Variants in GABRA4 observed in about 807,000 individuals in gnomAD.
GABRA4 encodes the protein gamma-aminobutyric acid type A receptor subunit alpha4, also known as gamma-aminobutyric acid receptor subunit alpha-4.
A neutral mutation model predicts 49.7 loss-of-function variants in GABRA4; 12 were observed. The observed-to-expected ratio is 0.24, with a 90% CI of 0.15 to 0.39. GABRA4 has a LOEUF of 0.39. Among genes scored for constraint, GABRA4 ranks in the 10% least tolerant of loss-of-function variants. GABRA4 has a pLI of 1.00. For missense variants in GABRA4, 506 were observed against 686.0 expected (o/e 0.74, Z 2.93); for synonymous variants, 288 against 240.2 (o/e 1.20, Z -1.84).
intron 5 of GABRA4, among the ~76,000 whole-genome samples, chr4:46,976,430 C>T (rs1303157097): frequency 6.8e-6 from 1 of 147,954 alleles, no homozygotes; most frequent in African/African-American, 2.5e-5. Context: ...TTTGTCAAAC[C>T]TTCCAAAGGC....
intron 8 of GABRA4, among the ~76,000 whole-genome samples, chr4:46,955,733 T>C (rs1412917064): frequency 6.6e-6 from 1 of 152,094 alleles, no homozygotes; most frequent in African/African-American, 2.4e-5. Context: ...GGTTTGTATT[T>C]CAGGAGACAG....
chr4:46,963,651 G>A (rs183359403), intron 8 of GABRA4, among the ~76,000 whole-genome samples: 431 of 151,834 alleles, frequency 2.8e-3, no homozygotes, highest in African/African-American at 9.7e-3. Context: ...GACTAATACA[G>A]CAGACATTTC....
In GABRA4 at chr4:46,936,470, G is replaced by C. The variant is rs990482066; in HGVS notation, c.1135-7715C>G. On this transcript the variant is annotated intron_variant, in intron 8 of 8. Transcript: ENST00000264318. Reference sequence around the variant, plus strand: ...TCTCCATGTTTGTCAGGCTGGTCTCGAACTCCTGACCTCAGGTGATCCGCC... The same window carrying C: ...TCTCCATGTTTGTCAGGCTGGTCTCCAACTCCTGACCTCAGGTGATCCGCC... Among the ~76,000 whole-genome samples the C allele has an allele frequency of 2.0e-5, 3 of 152,122 alleles. No homozygotes were observed. In the East Asian group the frequency reaches 5.8e-4, roughly 30 times the overall value.
intron 8 of GABRA4, among the ~76,000 whole-genome samples, chr4:46,942,013 A>G (rs1032890943): frequency 3.9e-5 from 6 of 152,164 alleles, no homozygotes; most frequent in African/African-American, 1.4e-4. Flanking sequence ...TAAATAAGCA[A>G]ACATATATCC....
At chr4:46,979,433 A>C (rs916002917) in intron 2 of GABRA4, among the ~76,000 whole-genome samples, 6 of 152,114 alleles carry the variant, frequency 3.9e-5, no homozygotes, top group Non-Finnish European at 8.8e-5. Context: ...CCATCATCTG[A>C]TTGGCCTCTA....
rs138764484 is a variant in GABRA4, at chr4:46,992,884, C to T, written c.149G>A (p.Arg50His). ...EEKLCTENFT[R>H]ILDSLLDGYD... is the part of the protein sequence containing the mutation. ...ACCATCGAGCAAACTGTCCAGGATGCGGGTGAAATTTTCTGTGCACAATTT... is the reference window on the plus strand; with the variant it reads ...ACCATCGAGCAAACTGTCCAGGATGTGGGTGAAATTTTCTGTGCACAATTT... The change falls in exon 2 of 9, where the codon CGC becomes CAC. Residue 50 changes from arginine (R) to histidine (H), a missense_variant. Physicochemically the swap from Arg to His is conservative, Grantham distance 29. This residue lies in a region of GABRA4 where 195 missense variants were observed against 326.0 expected (regional missense o/e 0.60). Transcript: ENST00000264318. 9.3e-6 allele frequency: 15 copies of T among 1,610,438 alleles called. No homozygotes were observed. The highest frequency in any genetic ancestry group is 1.3e-5 in the Non-Finnish European group (15 of 1,178,840).
At chr4:46,958,564 C>T (rs1176404977) in intron 8 of GABRA4, among the ~76,000 whole-genome samples, 1 of 151,822 alleles carries the variant, frequency 6.6e-6, no homozygotes, top group Non-Finnish European at 1.5e-5. Context: ...AAGGAAAGAA[C>T]CACAAGAATG....
intron 8 of GABRA4, among the ~76,000 whole-genome samples, chr4:46,956,577 C>T (rs1722371517): frequency 6.6e-6 from 1 of 151,854 alleles, no homozygotes; most frequent in South Asian, 2.1e-4. Context: ...CCAAAGTGTC[C>T]TCAGTTCTCT....
intron 8 of GABRA4, among the ~76,000 whole-genome samples, chr4:46,952,955 A>G (rs1353306832): frequency 6.6e-6 from 1 of 152,152 alleles, no homozygotes; most frequent in Non-Finnish European, 1.5e-5. Flanking sequence ...CCATGTCTAT[A>G]TCTCAGTTAT....
At chr4:46,965,852 T>A (rs981591428) in intron 7 of GABRA4, among the ~76,000 whole-genome samples, 6 of 151,888 alleles carry the variant, frequency 4.0e-5, no homozygotes, top group Non-Finnish European at 7.4e-5. Flanking sequence ...GCCTCATTTT[T>A]ATAAAACAAT....
intron 2 of GABRA4, among the ~76,000 whole-genome samples, chr4:46,985,794 A>T (rs1387414941): frequency 6.6e-6 from 1 of 151,840 alleles, no homozygotes; most frequent in Non-Finnish European, 1.5e-5. Flanking sequence ...CTTTTTTTTT[A>T]AACCAAGAAC....
chr4:46,933,041 T>C (rs1198341540), intron 8 of GABRA4, among the ~76,000 whole-genome samples: 1 of 152,058 alleles, frequency 6.6e-6, no homozygotes, highest in Non-Finnish European at 1.5e-5. Context: ...AAAGAATCAG[T>C]CTAAGGTGGT....
chr4:46,954,933 T>C (rs1334418432), intron 8 of GABRA4, among the ~76,000 whole-genome samples: 1 of 152,066 alleles, frequency 6.6e-6, no homozygotes, highest in Non-Finnish European at 1.5e-5. Context: ...TGCTCAACCA[T>C]AAAATTATGT....
intron 2 of GABRA4, among the ~76,000 whole-genome samples, chr4:46,987,351 T>A (rs1723578252): frequency 6.6e-6 from 1 of 152,164 alleles, no homozygotes; most frequent in Non-Finnish European, 1.5e-5. Flanking sequence ...TAGTGAAGTC[T>A]CCACTAATTA....
intron 8 of GABRA4, among the ~76,000 whole-genome samples, chr4:46,931,220 A>G (rs1721423919): frequency 6.6e-6 from 1 of 152,126 alleles, no homozygotes; most frequent in South Asian, 2.1e-4. Flanking sequence ...AGCCAGGAAT[A>G]GTGCATGTTT....
Position 46,921,576 on chromosome 4 carries a change from C to A in GABRA4, c.*6649G>T, listed in dbSNP as rs549075490. The A allele has an allele frequency of 1.3e-5, 2 of 151,960 alleles. No homozygotes were observed. Among genetic ancestry groups the A allele is most frequent in the Non-Finnish European group, 2.9e-5 (2 of 67,968 alleles). The allele number at this position is 151,960 out of a possible 1,614,324, so 9.4% of individuals were successfully genotyped here. A position where few individuals can be genotyped will look rare whatever the true frequency, so the allele number is the denominator to read the frequency against. ...ACAGCTGGTTTAATCCAGATTTAAT[C>A]TAGGTTTAATGCTTGATTCCAGTGA... On this transcript the variant is annotated 3_prime_UTR_variant, in exon 9 of 9. Transcript: ENST00000264318.
Position 46,920,051 on chromosome 4 carries a change from A to T in GABRA4, c.*8174T>A, listed in dbSNP as rs903450506. On this transcript the variant is annotated 3_prime_UTR_variant, in exon 9 of 9. Transcript: ENST00000264318. ...ATAATCAGTAAAATGACAAGCCAAC[A>T]TGCTGCACTGTGTTAGCAACATCTG... 2.6e-5 allele frequency: 4 copies of T among 151,648 alleles called. No homozygotes were observed. The highest frequency in any genetic ancestry group is 2.0e-4 in the Admixed American group (3 of 15,204). 9.4% of individuals were successfully genotyped at this position (151,648 alleles called of 1,614,324 possible).
chr4:46,993,384 G>A lies in GABRA4; in HGVS notation c.41C>T (p.Ala14Val), dbSNP rs747319818. The A allele has an allele frequency of 1.2e-6, 2 of 1,614,116 alleles. No individual in the cohort carries two copies. The highest frequency in any genetic ancestry group is 1.7e-5 in the Admixed American group (1 of 60,014). Residue 14 changes from alanine (A) to valine (V), a missense_variant, in exon 1 of 9, where the codon GCC (alanine) becomes GTC (valine). By Grantham distance (64) the Ala-to-Val change is moderately conservative. Coordinates refer to ENST00000264318, the MANE Select transcript of GABRA4 (RefSeq NM_000809.4). ...AKKVPAIALSAGVSFALLRFL... is the reference protein window; with the variant it reads ...AKKVPAIALSVGVSFALLRFL... ...GCGCAGGAGGGCGAAACTGACCCCG[G>A]CGGACAGAGCGATCGCGGGTACCTT...
rs1720893699 is a variant in GABRA4, at chr4:46,919,480, C to A, written c.*8745G>T. ...CAAAACACCTCTATCTCCTATCAAACCTTGAACTGTTATAAATATCACACT... is the reference window on the plus strand; with the variant it reads ...CAAAACACCTCTATCTCCTATCAAAACTTGAACTGTTATAAATATCACACT... On this transcript the variant is annotated 3_prime_UTR_variant, in exon 9 of 9. Transcript: ENST00000264318. 6.6e-6 allele frequency: 1 copy of A among 151,406 alleles called. No homozygotes were observed. Among genetic ancestry groups the A allele is most frequent in the Admixed American group, 6.6e-5 (1 of 15,186 alleles). 9.4% of individuals were successfully genotyped at this position (151,406 alleles called of 1,614,324 possible). A position where few individuals can be genotyped will look rare whatever the true frequency, so the allele number is the denominator to read the frequency against.
Sources: gnomAD v4.1 joint callset for allele counts (sites outside exome capture counted in the v4.1 genomes callset) on GRCh38, gnomAD v4.1.1 for gene constraint, gnomAD v4.1.1 regional missense constraint, MANE v1.5 for transcripts, NCBI Gene and HGNC (gene_info 2026-07-23, HGNC 2026-07-21) for gene names.